The following ACAT2 variants were observed in gnomAD, a reference collection of about 807,000 sequenced individuals.
The protein encoded by ACAT2 is acetyl-CoA acetyltransferase, cytosolic.
A neutral mutation model predicts 37.1 loss-of-function variants in ACAT2; 26 were observed. That is an observed-to-expected ratio of 0.70 (90% CI 0.51 to 0.97). The LOEUF is 0.97. Among genes scored for constraint, ACAT2 ranks in the 50% least tolerant of loss-of-function variants. The probability of loss-of-function intolerance (pLI) is 0.00; values close to 1 mark genes in which losing one functional copy is unlikely to be tolerated. For missense variants in ACAT2, 468 were observed against 489.0 expected, an observed-to-expected ratio of 0.96 and a Z score of 0.40; for synonymous variants, 156 against 163.6, an observed-to-expected ratio of 0.95 and a Z score of 0.35.
intron 4 of ACAT2, among the ~76,000 whole-genome samples, chr6:159,773,160 C>T (rs1780364401): frequency 6.6e-6 from 1 of 152,118 alleles, no homozygotes; most frequent in Non-Finnish European, 1.5e-5. Context: ...GGCCAATTCT[C>T]ACATTTGTAG....
intron 1 of ACAT2, 53 bp from the exon 2 acceptor site, chr6:159,762,866 C>G (rs879143948): frequency 6.3e-7 from 1 of 1,596,956 alleles, no homozygotes; most frequent in Non-Finnish European, 8.5e-7. Context: ...GTAGGTGGTT[C>G]CCGTATTACC....
intron 4 of ACAT2, among the ~76,000 whole-genome samples, chr6:159,769,497 CTCT>C (rs1412913889): frequency 6.6e-6 from 1 of 152,086 alleles, no homozygotes; most frequent in Non-Finnish European, 1.5e-5. Flanking sequence ...AAATAAATTG[CTCT>C]TCTTTAGAAA....
At position 159,771,557 on chromosome 6, in the gene ACAT2, G is replaced by C. The variant is rs544196407; in HGVS notation, c.490+2929G>C. Among the ~76,000 whole-genome samples, 6 of 151,548 alleles carry C rather than the reference G, an allele frequency of 4.0e-5. No homozygotes were observed. In the East Asian group the frequency reaches 1.2e-3, roughly 29 times the overall value. On this transcript the variant is annotated intron_variant, in intron 4 of 8. Coordinates refer to ENST00000367048, the MANE Select transcript of ACAT2 (RefSeq NM_005891.3). ...GAAGTTCAAAGACCAAGATAGACAA[G>C]GGAAAAATTACACCTTAGCAAATTG...
chr6:159,778,303 G>GA, intron 8 of ACAT2, 23 bp downstream of exon 8: 1 of 1,507,310 alleles, frequency 6.6e-7, no homozygotes, highest in Non-Finnish European at 9.1e-7. Context: ...AAGTAACCCT[G>GA]AGAGCTTACC....
chr6:159,771,650 C>CA (rs769011249), intron 4 of ACAT2, among the ~76,000 whole-genome samples: 2,549 of 96,114 alleles, frequency 0.027, 61 homozygotes, highest in African/African-American at 0.073. Context: ...GACTCTGTCT[C>CA]AAAAAAAAAA....
At position 159,779,074 on chromosome 6, in the gene ACAT2, C is replaced by T; in HGVS notation, c.*245C>T. The T allele has an allele frequency of 6.2e-7, 1 of 1,614,032 alleles. No homozygotes were observed. The highest frequency in any genetic ancestry group is 8.5e-7 in the Non-Finnish European group (1 of 1,179,936). On this transcript the variant is annotated 3_prime_UTR_variant, in exon 9 of 9. Coordinates refer to ENST00000367048, the MANE Select transcript of ACAT2 (RefSeq NM_005891.3). ...TCATTAAGGGCTCCAGAGTGAACAG[C>T]ATCTTCATAACTTCCATGTTTATCA... is the stretch of plus-strand genomic sequence containing the variant.
chr6:159,762,122 C>T lies in ACAT2; in HGVS notation c.35C>T (p.Ser12Leu). ...NAGSDPVVIV[S>L]AARTIIGSFN... ...GGCTCAGATCCTGTGGTCATCGTCT[C>T]GGCGGCGCGGACCATCATAGGTGAG... Residue 12 changes from serine to leucine, a missense_variant, in exon 1 of 9, where the codon TCG becomes TTG. Coordinates refer to ENST00000367048, the MANE Select transcript of ACAT2 (RefSeq NM_005891.3). 6.2e-7 allele frequency: 1 copy of T among 1,612,748 alleles called. No homozygotes were observed. Among genetic ancestry groups the T allele is most frequent in the Non-Finnish European group, 8.5e-7 (1 of 1,179,454 alleles).
intron 3 of ACAT2, 114 bp from the exon 4 acceptor site, chr6:159,768,397 G>A (rs1293186352): frequency 6.5e-6 from 5 of 766,600 alleles, no homozygotes; most frequent in Non-Finnish European, 1.1e-5. Flanking sequence ...GGGGAGAAGG[G>A]CTGCAAAGGG....
intron 4 of ACAT2, among the ~76,000 whole-genome samples, chr6:159,770,242 AT>A (rs1182608291): frequency 6.6e-6 from 1 of 152,242 alleles, no homozygotes; most frequent in Admixed American, 6.5e-5. Flanking sequence ...AATGTTCAGC[AT>A]GCAATGAGAA....
In ACAT2 at chr6:159,777,471, A is replaced by G. The variant is rs1421292644; in HGVS notation, c.912+15A>G. 2 of 1,601,766 alleles carry G rather than the reference A, an allele frequency of 1.2e-6. No individual in the cohort carries two copies. The highest frequency in any genetic ancestry group is 1.8e-5 in the Admixed American group (1 of 57,020). On this transcript the variant is annotated intron_variant, in intron 7 of 8. Coordinates refer to ENST00000367048, the MANE Select transcript of ACAT2 (RefSeq NM_005891.3). ...TAAAGCAAGCTGTGAGTATAACCCT[A>G]TTCCCTTTTATGAAATTTGTCTTCC...
chr6:159,775,313 G>T lies in ACAT2; in HGVS notation c.634G>T (p.Gly212Cys). Residue 212 changes from glycine (G) to cysteine (C), a missense_variant and splice_region_variant, in exon 5 of 9, where the codon GGT (glycine) becomes TGT (cysteine). Gly to Cys is a radical substitution (Grantham distance 159, BLOSUM62 -3). Transcript: ENST00000367048. ...ACCAGTTTTGGTGTCAACTAGAAAAGGTGAGTATATCATAGTGGTTTAAAC... is the reference window on the plus strand; with the variant it reads ...ACCAGTTTTGGTGTCAACTAGAAAATGTGAGTATATCATAGTGGTTTAAAC... ...IVPVLVSTRK[G>C]LIEVKTDEFP... is the part of the protein sequence containing the mutation. The T allele has an allele frequency of 3.7e-6, 6 of 1,613,968 alleles. No homozygotes were observed. Among genetic ancestry groups the T allele is most frequent in the East Asian group, 2.2e-5 (1 of 44,880 alleles).
chr6:159,778,983 TACTC>T lies in ACAT2; in HGVS notation c.*156_*159del, dbSNP rs1780503547. On this transcript the variant is annotated 3_prime_UTR_variant, in exon 9 of 9. Transcript: ENST00000367048. ...GCTTGTACTTTACTTTAATGTGTAA[TACTC>T]AACTCAAGGTACAAGACAATTGCAT... is the stretch of plus-strand genomic sequence containing the variant. 6.4e-7 allele frequency: 1 copy of T among 1,570,346 alleles called. No homozygotes were observed. Among genetic ancestry groups the T allele is most frequent in the Middle Eastern group, 1.7e-4 (1 of 5,890 alleles).
In ACAT2 at chr6:159,778,867, A is replaced by G; in HGVS notation, c.*38A>G. The G allele has an allele frequency of 6.2e-7, 1 of 1,613,096 alleles. No homozygotes were observed. ...TTGAACAACCTCAATTTCTTTTTAA[A>G]CTAATAAAGTACTAGGTTGCAATAT... is the stretch of plus-strand genomic sequence containing the variant. On this transcript the variant is annotated 3_prime_UTR_variant, in exon 9 of 9. Transcript: ENST00000367048.
Position 159,775,312 on chromosome 6 carries a change from A to G in ACAT2, c.633A>G (p.Lys211=), listed in dbSNP as rs1562479208. 6.2e-7 allele frequency: 1 copy of G among 1,614,078 alleles called. No homozygotes were observed. The highest frequency in any genetic ancestry group is 2.2e-5 in the East Asian group (1 of 44,892). ...EIVPVLVSTR[K]GLIEVKTDEF... is the part of the protein sequence containing the mutation. ...TACCAGTTTTGGTGTCAACTAGAAA[A>G]GGTGAGTATATCATAGTGGTTTAAA... The change falls in exon 5 of 9, where the codon AAA becomes AAG. Residue 211 remains lysine (K), a splice_region_variant and synonymous_variant. Transcript: ENST00000367048.
At chr6:159,776,325 C>T (rs1442819309) in intron 6 of ACAT2, 53 bp downstream of exon 6, 14 of 1,569,550 alleles carry the variant, frequency 8.9e-6, no homozygotes, top group Admixed American at 6.0e-5. Context: ...TAATGTCTAC[C>T]GAGTGAATAT....
At position 159,778,937 on chromosome 6, in the gene ACAT2, T is replaced by C. The variant is rs930538935; in HGVS notation, c.*108T>C. ...GTACAGATGGAAACCATTTCCTACA[T>C]CACAAAAACCCAAGTTTACAGCTTG... On this transcript the variant is annotated 3_prime_UTR_variant, in exon 9 of 9. Transcript: ENST00000367048. 1.3e-6 allele frequency: 2 copies of C among 1,562,710 alleles called. No homozygotes were observed. The highest frequency in any genetic ancestry group is 1.7e-6 in the Non-Finnish European group (2 of 1,149,490).
intron 2 of ACAT2, among the ~76,000 whole-genome samples, chr6:159,764,458 G>A (rs934861754): frequency 5.3e-5 from 8 of 151,984 alleles, no homozygotes; most frequent in African/African-American, 9.7e-5. Flanking sequence ...ATTATTTAAA[G>A]AGACAGGGTC....
chr6:159,776,801 CTTTTT>C (rs1780424145), intron 6 of ACAT2, among the ~76,000 whole-genome samples: 1 of 150,844 alleles, frequency 6.6e-6, no homozygotes, highest in African/African-American at 2.4e-5. Context: ...CTTTTTTTTT[CTTTTT>C]GAGACGGAGC....
chr6:159,764,448 A>ATTG (rs202139130), intron 2 of ACAT2, among the ~76,000 whole-genome samples: 2,863 of 151,938 alleles, frequency 0.019, 104 homozygotes, highest in African/African-American at 0.065. Flanking sequence ...TATTATTATT[A>ATTG]TTATTTAAAG....
Sources: allele counts gnomAD v4.1 joint callset (sites outside exome capture counted in the v4.1 genomes callset), GRCh38; gene constraint gnomAD v4.1.1; transcripts MANE v1.5; gene names NCBI Gene and HGNC (gene_info 2026-07-23, HGNC 2026-07-21).